Variants in RTN3 observed in about 807,000 individuals in gnomAD.
RTN3 encodes the protein reticulon-3.
Under a neutral mutation model 77.8 loss-of-function variants are expected in RTN3, and 49 were observed. The ratio of observed to expected loss-of-function variants is 0.63; its 90% CI spans 0.50 to 0.80. RTN3 has a LOEUF of 0.80. Ranked by LOEUF, RTN3 falls within the 30% of genes least tolerant of loss-of-function variation. RTN3 has a pLI of 0.00. For synonymous variants in RTN3, 464 were observed against 446.9 expected (o/e 1.04, Z -0.48); for missense variants, 1,236 against 1,211.9 (o/e 1.02, Z -0.29).
chr11:63,758,241 A>C lies in RTN3; in HGVS notation c.*40A>C, dbSNP rs765688711. ...GAAATGCAACAGTTACTAAAACACC[A>C]TTTAATAGTTATAACGTCGTTACTT... On this transcript the variant is annotated 3_prime_UTR_variant, in exon 9 of 9. Transcript: ENST00000377819. 8 of 1,613,728 alleles carry C rather than the reference A, an allele frequency of 5.0e-6. No homozygotes were observed. Among genetic ancestry groups the C allele is most frequent in the Admixed American group, 3.3e-5 (2 of 59,978 alleles).
chr11:63,726,860 T>TC (rs780771200), intron 3 of RTN3, among the ~76,000 whole-genome samples: 1,885 of 89,286 alleles, frequency 0.021, 64 homozygotes, highest in Middle Eastern at 0.037. Context: ...AGACTCCGTC[T>TC]GAAAAAAAAA....
At chr11:63,721,208 G>T (rs375627008) in intron 3 of RTN3, among the ~76,000 whole-genome samples, 176 bp downstream of exon 3, 34 of 152,228 alleles carry the variant, frequency 2.2e-4, no homozygotes, top group Middle Eastern at 3.4e-3. Context: ...ATGATTGCTT[G>T]ATTTGGTTTC....
At chr11:63,700,482 C>T (rs1942182289) in intron 1 of RTN3, among the ~76,000 whole-genome samples, 1 of 151,454 alleles carries the variant, frequency 6.6e-6, no homozygotes, top group Non-Finnish European at 1.5e-5. Flanking sequence ...CAGGATCTCA[C>T]CATGTTGCCC....
At chr11:63,751,099 C>A (rs1434364200) in intron 4 of RTN3, among the ~76,000 whole-genome samples, 1 of 152,022 alleles carries the variant, frequency 6.6e-6, no homozygotes. Flanking sequence ...GAACTCCTGA[C>A]CTCGTGATCC....
In RTN3 at chr11:63,703,659, C is replaced by T. The variant is rs1942356562; in HGVS notation, c.143-1192C>T. On this transcript the variant is annotated intron_variant, in intron 1 of 8. Coordinates refer to ENST00000377819, the MANE Select transcript of RTN3 (RefSeq NM_001265589.2). ...CCAGGTTCACGCCATTCTCCTGCCT[C>T]AGCCTCCCGAGTAGCTGGGACTACA... Among the ~76,000 whole-genome samples, 4 of 151,790 alleles carry T rather than the reference C, an allele frequency of 2.6e-5. No homozygotes were observed. In the South Asian group the frequency reaches 8.3e-4, roughly 32 times the overall value.
chr11:63,752,827 T>C (rs2014177267), intron 5 of RTN3, among the ~76,000 whole-genome samples, 182 bp downstream of exon 5: 1 of 152,124 alleles, frequency 6.6e-6, no homozygotes, highest in Non-Finnish European at 1.5e-5. Context: ...GGAACAAATA[T>C]CAGAAGAGAG....
intron 3 of RTN3, among the ~76,000 whole-genome samples, chr11:63,733,305 C>T (rs1056172048): frequency 1.3e-5 from 2 of 151,980 alleles, no homozygotes; most frequent in Non-Finnish European, 2.9e-5. Context: ...CTGGCTTACA[C>T]GGTGAAACCC....
rs373330352 is a variant in RTN3, at chr11:63,720,265, C to A, written c.1763C>A (p.Thr588Lys). 4 of 1,613,594 alleles carry A rather than the reference C, an allele frequency of 2.5e-6. No homozygotes were observed. In the South Asian group the frequency reaches 3.3e-5, roughly 13 times the overall value. Residue 588 changes from threonine to lysine, a missense_variant, in exon 3 of 9, where the codon ACG (threonine) becomes AAG (lysine). Physicochemically the swap from Thr to Lys is moderately conservative, Grantham distance 78. Coordinates refer to ENST00000377819, the MANE Select transcript of RTN3 (RefSeq NM_001265589.2). ...GCAGCATGTTCAAAAGTACCCGATA[C>A]GAATGTCTCCTTAGAAGATGTGAGT... ...SEAACSKVPD[T>K]NVSLEDVSEV...
intron 3 of RTN3, among the ~76,000 whole-genome samples, chr11:63,732,140 C>T (rs1036301310): frequency 6.6e-6 from 1 of 151,938 alleles, no homozygotes; most frequent in Non-Finnish European, 1.5e-5. Flanking sequence ...AAATTTGGTT[C>T]CTGGAAAGTT....
chr11:63,695,147 A>C (rs1941873608), intron 1 of RTN3, among the ~76,000 whole-genome samples: 1 of 152,340 alleles, frequency 6.6e-6, no homozygotes, highest in African/African-American at 2.4e-5. Context: ...TTTCTGCTAT[A>C]TGCTGGTCAA....
At position 63,750,023 on chromosome 11, in the gene RTN3, A is replaced by C; in HGVS notation, c.2563A>C (p.Lys855Gln). The C allele has an allele frequency of 6.2e-7, 1 of 1,613,888 alleles. No individual in the cohort carries two copies. Among genetic ancestry groups the C allele is most frequent in the Non-Finnish European group, 8.5e-7 (1 of 1,179,832 alleles). ...HDLIFWRDVKKTGFVFGTTLI... is the reference protein window; with the variant it reads ...HDLIFWRDVKQTGFVFGTTLI... ...TCTGATTTTCTGGAGAGATGTGAAGAAGACTGGGTTTGTCTTTGGCACCAC... is the reference window on the plus strand; with the variant it reads ...TCTGATTTTCTGGAGAGATGTGAAGCAGACTGGGTTTGTCTTTGGCACCAC... Residue 855 changes from lysine to glutamine, a missense_variant, in exon 4 of 9, where the codon AAG becomes CAG. Around this residue, in one of 3 missense-constraint regions of RTN3, gnomAD observed 39 missense variants for 66.6 expected, o/e 0.59. Transcript: ENST00000377819.
chr11:63,686,462 C>G (rs982880562), intron 1 of RTN3, among the ~76,000 whole-genome samples: 2 of 110,934 alleles, frequency 1.8e-5, no homozygotes, highest in Non-Finnish European at 3.6e-5. Context: ...CAGAGCGAGA[C>G]TCCGTCTCAA....
In RTN3 at chr11:63,750,878, CCCACCA is replaced by C. The variant is rs916306326; in HGVS notation, c.2738+681_2738+686del. On this transcript the variant is annotated intron_variant, in intron 4 of 8. Transcript: ENST00000377819. ...TCCCGAGTAGCTGGGACTACAGGCA[CCCACCA>C]TCACGCCCGGCTAATTTTTTTGTAT... 1.6e-4 allele frequency among the ~76,000 whole-genome samples: 24 copies of C among 152,150 alleles called. 1 individual carries two copies. The highest frequency in any genetic ancestry group is 1.0e-3 in the Admixed American group (16 of 15,262).
rs526739 is a variant in RTN3, at chr11:63,734,680, C to T, written c.2530+13648C>T. On this transcript the variant is annotated intron_variant, in intron 3 of 8. Coordinates refer to ENST00000377819, the MANE Select transcript of RTN3 (RefSeq NM_001265589.2). ...CCAGGAGGCGGAGGTTGCAATGAGC[C>T]GAGTTCACGCTACTGCACTCCAGCC... Among the ~76,000 whole-genome samples, 9 of 151,138 alleles carry T rather than the reference C, an allele frequency of 6.0e-5. No homozygotes were observed. The East Asian group carries it at 1.6e-3, about 26-fold the overall frequency.
chr11:63,714,269 A>T, intron 2 of RTN3: 1 of 346,772 alleles, frequency 2.9e-6, no homozygotes, highest in South Asian at 2.2e-5. Context: ...TTATTTTTCT[A>T]CATGTGGGAA....
At chr11:63,742,042 C>T (rs1365069680) in intron 3 of RTN3, among the ~76,000 whole-genome samples, 9 of 148,980 alleles carry the variant, frequency 6.0e-5, no homozygotes, top group African/African-American at 1.5e-4. Flanking sequence ...TGCAGTGGCG[C>T]GATCTCAGCT....
At chr11:63,717,979 C>T (rs1275346640) in intron 2 of RTN3, among the ~76,000 whole-genome samples, 1 of 145,694 alleles carries the variant, frequency 6.9e-6, no homozygotes, top group African/African-American at 2.6e-5. Flanking sequence ...TGCGCCATTG[C>T]ACTTCAGCCT....
chr11:63,711,250 A>G (rs147514009), intron 2 of RTN3, among the ~76,000 whole-genome samples: 3 of 152,242 alleles, frequency 2.0e-5, no homozygotes, highest in African/African-American at 4.8e-5. Context: ...ACTGCACTCC[A>G]GCCTGGTCGA....
rs1400989262 is a variant in RTN3, at chr11:63,749,971, A to G, written c.2531-20A>G. The G allele has an allele frequency of 6.3e-7, 1 of 1,585,734 alleles. No individual in the cohort carries two copies. Among genetic ancestry groups the G allele is most frequent in the Non-Finnish European group, 8.7e-7 (1 of 1,155,202 alleles). On this transcript the variant is annotated intron_variant, in intron 3 of 8. Transcript: ENST00000377819. ...GCTGTGGATGTTTCTTATAACTTAT[A>G]TTCCCTTTTCTTTTGTCAGTGCACG...
Sources: allele counts gnomAD v4.1 joint callset (sites outside exome capture counted in the v4.1 genomes callset), GRCh38; gene constraint gnomAD v4.1.1; regional missense constraint gnomAD v4.1.1; transcripts MANE v1.5; gene names NCBI Gene and HGNC (gene_info 2026-07-23, HGNC 2026-07-21).